VWF: variants seen among roughly 807,000 people sequenced by gnomAD.
The protein encoded by VWF is von Willebrand factor, also known as Factor VIII related antigen.
In VWF, 176 loss-of-function variants were observed where a neutral mutation model predicts 308.6. The observed-to-expected ratio is 0.57, with a 90% CI of 0.50 to 0.65. The LOEUF (loss-of-function observed/expected upper bound fraction) is 0.65, where lower values mean the gene tolerates loss of function less well. Among genes scored for constraint, VWF ranks in the 30% least tolerant of loss-of-function variants. The pLI is 0.00. For missense variants in VWF, 3,146 were observed against 3,648.2 expected (o/e 0.86, Z 3.55); for synonymous variants, 1,385 against 1,443.4 (o/e 0.96, Z 0.92).
chr12:6,024,456 CT>C lies in VWF; in HGVS notation c.3223-670del, dbSNP rs534634925. 8.1e-4 allele frequency among the ~76,000 whole-genome samples: 124 copies of C among 152,376 alleles called. No individual in the cohort carries two copies. Among genetic ancestry groups the C allele is most frequent in the African/African-American group, 2.3e-3 (94 of 41,592 alleles). On this transcript the variant is annotated intron_variant, in intron 24 of 51. Transcript: ENST00000261405. This position sits in a 1 kb window ranked among gnomAD's most constrained non-coding sequence, Gnocchi z 4.0. ...AGTCTCAATGTCCCCAACTCCTCCC[CT>C]GTCCTCACTCTTCCAACTCAGATGC...
chr12:6,099,358 T>C (rs1178923082), intron 5 of VWF, among the ~76,000 whole-genome samples: 1 of 151,466 alleles, frequency 6.6e-6, no homozygotes, highest in East Asian at 1.9e-4. Context: ...AAGCAAAAGT[T>C]TGTTAACCTA....
At chr12:6,041,847 C>A (rs180923141) in intron 18 of VWF, among the ~76,000 whole-genome samples, 102 of 152,212 alleles carry the variant, frequency 6.7e-4, no homozygotes, top group Admixed American at 1.3e-3. Context: ...AAGCATGGGT[C>A]CACAGCAGGC....
chr12:6,064,123 C>T, intron 12 of VWF, 123 bp downstream of exon 12: 2 of 1,516,372 alleles, frequency 1.3e-6, no homozygotes, highest in Non-Finnish European at 1.8e-6. Flanking sequence ...AAAAATAACT[C>T]TCCATCACAT....
intron 38 of VWF, among the ~76,000 whole-genome samples, chr12:5,991,267 C>G (rs1943739917): frequency 6.6e-6 from 1 of 151,836 alleles, no homozygotes; most frequent in Admixed American, 6.6e-5. Context: ...TCTTAAATAT[C>G]TGCAAGGTAC....
At chr12:6,005,436 A>G (rs1391499064) in intron 34 of VWF, among the ~76,000 whole-genome samples, 1 of 152,220 alleles carries the variant, frequency 6.6e-6, no homozygotes, top group Non-Finnish European at 1.5e-5. Flanking sequence ...TATTTAAAAT[A>G]ACGAATAAGA....
intron 43 of VWF, among the ~76,000 whole-genome samples, chr12:5,974,415 C>A (rs1409326124): frequency 1.3e-5 from 2 of 152,136 alleles, no homozygotes; most frequent in African/African-American, 2.4e-5. Flanking sequence ...CTGCCCTGAC[C>A]TCCCTACTCA....
chr12:5,998,398 T>G (rs1943830343), intron 34 of VWF, among the ~76,000 whole-genome samples: 1 of 140,060 alleles, frequency 7.1e-6, no homozygotes, highest in African/African-American at 2.7e-5. Flanking sequence ...CTCGGGAGGC[T>G]GAGGCAGGAG....
At chr12:5,952,217 G>C (rs992720575) in intron 49 of VWF, 174 bp downstream of exon 49, 2 of 952,276 alleles carry the variant, frequency 2.1e-6, no homozygotes, top group East Asian at 5.3e-5. Context: ...CTATATTGCA[G>C]AGAATTTTAT....
rs113752460 is a variant in VWF, at chr12:6,109,952, G to A, written c.532+422C>T. Among the ~76,000 whole-genome samples, 924 of 152,224 alleles carry A rather than the reference G, an allele frequency of 6.1e-3. 10 individuals carry two copies. Among genetic ancestry groups the A allele is most frequent in the African/African-American group, 0.02 (845 of 41,544 alleles). ...GGGGTAAGCCACTGCGCCCAGCCTA[G>A]TGTTTTCACATTATCCATATTACTT... is the stretch of plus-strand genomic sequence containing the variant. On this transcript the variant is annotated intron_variant, in intron 5 of 51. Transcript: ENST00000261405.
chr12:5,976,490 C>T (rs554044967), intron 42 of VWF, among the ~76,000 whole-genome samples: 21 of 152,248 alleles, frequency 1.4e-4, no homozygotes, highest in East Asian at 1.4e-3. Flanking sequence ...GGTGGCCCCT[C>T]GTGAGGCCTT....
At chr12:6,049,666 T>C (rs1944486258) in intron 16 of VWF, among the ~76,000 whole-genome samples, 1 of 152,218 alleles carries the variant, frequency 6.6e-6, no homozygotes, top group Admixed American at 6.5e-5. Context: ...AGCCTCAAAT[T>C]CTTTACTAAA....
intron 50 of VWF, among the ~76,000 whole-genome samples, chr12:5,950,903 G>T (rs1943183288): frequency 6.6e-6 from 1 of 152,100 alleles, no homozygotes; most frequent in South Asian, 2.1e-4. Context: ...CCATTCAAAT[G>T]GGAATCATAG....
intron 5 of VWF, among the ~76,000 whole-genome samples, chr12:6,103,366 ATG>A (rs372921016): frequency 0.013 from 1,872 of 142,426 alleles, 51 homozygotes; most frequent in East Asian, 0.047. Flanking sequence ...ATACATATAT[ATG>A]TGTGTGTGTG....
chr12:6,003,595 C>A (rs1339633700), intron 34 of VWF, among the ~76,000 whole-genome samples: 1 of 151,672 alleles, frequency 6.6e-6, no homozygotes. Context: ...ATAAGCCAGT[C>A]GCAATAGGAA....
intron 3 of VWF, among the ~76,000 whole-genome samples, chr12:6,112,133 A>G (rs759130574): frequency 2.0e-5 from 3 of 152,156 alleles, no homozygotes; most frequent in African/African-American, 4.8e-5. Context: ...TACACAGCAC[A>G]TGGAATTAAT....
chr12:6,053,107 G>C (rs1356629202), intron 15 of VWF, among the ~76,000 whole-genome samples: 1 of 152,142 alleles, frequency 6.6e-6, no homozygotes, highest in East Asian at 1.9e-4. Context: ...CTCAACCACA[G>C]GGAATGTGCA....
rs189127229 is a variant in VWF at position 5,975,090 on chromosome 12, G to C, written c.7437+1021C>G. ...TTAGTGTTTCCCACAGGAACACCTGGATACCACAGCGTCATCCTCTCCCAA... is the reference window on the plus strand; with the variant it reads ...TTAGTGTTTCCCACAGGAACACCTGCATACCACAGCGTCATCCTCTCCCAA... On this transcript the variant is annotated intron_variant, in intron 43 of 51. Coordinates refer to ENST00000261405, the MANE Select transcript of VWF (RefSeq NM_000552.5). Among the ~76,000 whole-genome samples, 344 of 152,300 alleles carry C rather than the reference G, an allele frequency of 2.3e-3. 1 individual carries two copies. The highest frequency in any genetic ancestry group is 7.2e-3 in the African/African-American group (300 of 41,572).
intron 5 of VWF, among the ~76,000 whole-genome samples, chr12:6,106,862 T>C (rs1591922037): frequency 8.9e-6 from 1 of 112,340 alleles, no homozygotes. Flanking sequence ...GCAACAAGAG[T>C]GAAACTCCGA....
In VWF at chr12:6,019,695, T is replaced by C. The variant is rs1445345974; in HGVS notation, c.3723A>G (p.Gly1241=). The change falls in exon 28 of 52, where the codon GGA becomes GGG. Residue 1241 remains glycine (G), a synonymous_variant. Coordinates refer to ENST00000261405, the MANE Select transcript of VWF (RefSeq NM_000552.5). This position sits in a 1 kb window ranked among gnomAD's most constrained non-coding sequence, Gnocchi z 5.8. ...CATCTGTGGGAGGCACCACCAGGCC[T>C]CCCGGCTCCTGGCAGGCTTCACAGG... is the stretch of plus-strand genomic sequence containing the variant. The part of the protein sequence containing the change: ...NLTCEACQEP[G]GLVVPPTDAP... The C allele has an allele frequency of 1.9e-6, 3 of 1,613,750 alleles. No individual in the cohort carries two copies. Among genetic ancestry groups the C allele is most frequent in the Admixed American group, 1.7e-5 (1 of 59,996 alleles).
Sources: allele counts gnomAD v4.1 joint callset (sites outside exome capture counted in the v4.1 genomes callset), GRCh38; gene constraint gnomAD v4.1.1; non-coding constraint Gnocchi (gnomAD v3.1); transcripts MANE v1.5; gene names NCBI Gene and HGNC (gene_info 2026-07-23, HGNC 2026-07-21).